NUDT6: variants seen among roughly 807,000 people sequenced by gnomAD.
The protein encoded by NUDT6 is FAD diphosphatase NUDT6.
NUDT6 carries 24 observed loss-of-function variants against 36.8 expected under a neutral mutation model. The observed-to-expected ratio is 0.65, with a 90% CI of 0.47 to 0.92. NUDT6 has a LOEUF of 0.92. Ranked by LOEUF, NUDT6 falls within the 40% of genes least tolerant of loss-of-function variation. The probability of loss-of-function intolerance (pLI) is 0.00; values close to 1 mark genes in which losing one functional copy is unlikely to be tolerated. For missense variants in NUDT6, 388 were observed against 392.8 expected (o/e 0.99, Z 0.10); for synonymous variants, 163 against 157.0 (o/e 1.04, Z -0.29).
chr4:122,908,922 A>G (rs1457852619), intron 3 of NUDT6, among the ~76,000 whole-genome samples: 1 of 152,216 alleles, frequency 6.6e-6, no homozygotes, highest in Non-Finnish European at 1.5e-5. Context: ...GATTTTTAAT[A>G]AAAACTTCTT....
intron 2 of NUDT6, among the ~76,000 whole-genome samples, chr4:122,915,805 A>G (rs1727827566): frequency 6.6e-6 from 1 of 152,154 alleles, no homozygotes; most frequent in South Asian, 2.1e-4. Flanking sequence ...GGCTGTCACT[A>G]AATTATTGAG....
At chr4:122,903,196 T>C (rs1299124515) in intron 3 of NUDT6, among the ~76,000 whole-genome samples, 2 of 152,196 alleles carry the variant, frequency 1.3e-5, no homozygotes, top group South Asian at 2.1e-4. Context: ...TCTCTGTTTA[T>C]AACTTAAAAA....
chr4:122,913,502 T>A (rs1304715421), intron 2 of NUDT6, among the ~76,000 whole-genome samples: 1 of 152,192 alleles, frequency 6.6e-6, no homozygotes, highest in Non-Finnish European at 1.5e-5. Flanking sequence ...TTACAATATT[T>A]ATTGAATAAA....
chr4:122,905,717 T>C (rs1169096641), intron 3 of NUDT6, among the ~76,000 whole-genome samples: 5 of 152,192 alleles, frequency 3.3e-5, no homozygotes, highest in Non-Finnish European at 7.3e-5. Flanking sequence ...AACACATCTA[T>C]GACAAATGGT....
intron 3 of NUDT6, among the ~76,000 whole-genome samples, chr4:122,900,097 T>G (rs1727489630): frequency 1.8e-5 from 2 of 113,170 alleles, no homozygotes; most frequent in African/African-American, 3.5e-5. Context: ...CCAGAGAGAT[T>G]AGTCCTGTGC....
At chr4:122,922,120 C>T (rs1469942630) in intron 1 of NUDT6, 5 of 413,156 alleles carry the variant, frequency 1.2e-5, no homozygotes, top group African/African-American at 1.0e-4. Context: ...TCCCAAAGTC[C>T]GGGATCTTCA....
intron 4 of NUDT6, chr4:122,894,923 C>T (rs966476011): frequency 1.3e-5 from 2 of 152,126 alleles, no homozygotes; most frequent in Admixed American, 6.6e-5. Flanking sequence ...ATCAAAAGTT[C>T]GGCATGTAGC....
At chr4:122,897,721 T>A in intron 3 of NUDT6, 43 bp from the exon 4 acceptor site, 1 of 1,251,932 alleles carries the variant, frequency 8.0e-7, no homozygotes, top group Non-Finnish European at 1.2e-6. Flanking sequence ...TAACTTTCAC[T>A]AACACACACA....
chr4:122,922,736 C>T (rs1342476909), upstream of NUDT6: 2 of 630,594 alleles, frequency 3.2e-6, no homozygotes, highest in Non-Finnish European at 5.4e-6. Context: ...GGTCCACCAG[C>T]CCTTCTCAGC....
At chr4:122,920,880 T>C (rs1250221459) in intron 1 of NUDT6, 1 of 152,204 alleles carries the variant, frequency 6.6e-6, no homozygotes, top group East Asian at 1.9e-4. Flanking sequence ...TGAGTAAACA[T>C]TGAAATAACT....
intron 4 of NUDT6, chr4:122,896,824 T>C (rs964442763): frequency 6.6e-6 from 1 of 152,192 alleles, no homozygotes; most frequent in Non-Finnish European, 1.5e-5. Flanking sequence ...ATATCATTGT[T>C]GGCTAAATAG....
chr4:122,900,758 G>A (rs1208301422), intron 3 of NUDT6, among the ~76,000 whole-genome samples: 1 of 152,010 alleles, frequency 6.6e-6, no homozygotes, highest in Non-Finnish European at 1.5e-5. Flanking sequence ...TAGATTCTGT[G>A]TCTTAGACTT....
At chr4:122,914,521 A>G (rs1727792201) in intron 2 of NUDT6, among the ~76,000 whole-genome samples, 1 of 152,212 alleles carries the variant, frequency 6.6e-6, no homozygotes, top group Non-Finnish European at 1.5e-5. Flanking sequence ...TGGTCACAAC[A>G]TAAAAATTAT....
chr4:122,907,562 T>C (rs1727644454), intron 3 of NUDT6, among the ~76,000 whole-genome samples: 2 of 150,580 alleles, frequency 1.3e-5, no homozygotes, highest in Admixed American at 1.3e-4. Context: ...GCCATTCTCC[T>C]GCCTCAGCTT....
intron 4 of NUDT6, chr4:122,896,543 G>C (rs1198888359): frequency 6.6e-6 from 1 of 152,026 alleles, no homozygotes; most frequent in African/African-American, 2.4e-5. Context: ...AGAACAAATG[G>C]CCTTCTCTTT....
intron 2 of NUDT6, among the ~76,000 whole-genome samples, chr4:122,914,929 C>T (rs1036014077): frequency 6.6e-6 from 1 of 152,008 alleles, no homozygotes; most frequent in African/African-American, 2.4e-5. Flanking sequence ...GAGTTTCAGA[C>T]TGTGATAAAT....
At chr4:122,900,107 C>T (rs1041225283) in intron 3 of NUDT6, among the ~76,000 whole-genome samples, 11 of 128,396 alleles carry the variant, frequency 8.6e-5, no homozygotes, top group African/African-American at 3.2e-4. Context: ...TAGTCCTGTG[C>T]GCCAACGGTT....
intron 3 of NUDT6, among the ~76,000 whole-genome samples, chr4:122,900,125 C>G (rs1727490764): frequency 1.5e-5 from 2 of 137,166 alleles, no homozygotes; most frequent in South Asian, 5.0e-4. Context: ...GTTAACTTAC[C>G]TAGATCAGGT....
chr4:122,917,858 T>C, intron 1 of NUDT6, 154 bp from the exon 2 acceptor site: 2 of 629,362 alleles, frequency 3.2e-6, no homozygotes, highest in Non-Finnish European at 5.5e-6. Context: ...GGAAGTACCA[T>C]GTTTTATAGT....
Sources: gnomAD v4.1 joint callset for allele counts (sites outside exome capture counted in the v4.1 genomes callset) on GRCh38, gnomAD v4.1.1 for gene constraint, MANE v1.5 for transcripts, NCBI Gene and HGNC (gene_info 2026-07-23, HGNC 2026-07-21) for gene names.